The following SPIDR variants were observed in gnomAD, a reference collection of about 807,000 sequenced individuals.
The protein encoded by SPIDR is scaffold protein involved in DNA repair.
SPIDR carries 93 observed loss-of-function variants against 104.6 expected under a neutral mutation model. That is an observed-to-expected ratio of 0.89 (90% CI 0.75 to 1.06). The LOEUF (loss-of-function observed/expected upper bound fraction) is 1.06. SPIDR is among the 50% of genes least tolerant of loss of function. The probability of loss-of-function intolerance (pLI) is 0.00; values close to 1 mark genes in which losing one functional copy is unlikely to be tolerated. For missense variants in SPIDR, 1,154 were observed against 1,111.2 expected (o/e 1.04, Z -0.55); for synonymous variants, 431 against 416.9 (o/e 1.03, Z -0.41).
intron 14 of SPIDR, among the ~76,000 whole-genome samples, chr8:47,708,300 AAAAC>A (rs927333134): frequency 5.9e-5 from 9 of 152,374 alleles, no homozygotes; most frequent in East Asian, 3.9e-4. Context: ...CTCCGTCTCA[AAAAC>A]AAACAAACAA....
At chr8:47,690,065 AACTT>A (rs1410907326) in intron 11 of SPIDR, among the ~76,000 whole-genome samples, 6 of 152,170 alleles carry the variant, frequency 3.9e-5, no homozygotes, top group African/African-American at 1.2e-4. Flanking sequence ...TAAAAAAAAA[AACTT>A]ACACGTGTCT....
At chr8:47,323,983 T>C (rs1488129876) in intron 5 of SPIDR, among the ~76,000 whole-genome samples, 1 of 152,216 alleles carries the variant, frequency 6.6e-6, no homozygotes, top group Non-Finnish European at 1.5e-5. Context: ...TTTTAGTTTA[T>C]TGGTCTTAGT....
At chr8:47,652,894 G>T (rs950600650) in intron 10 of SPIDR, among the ~76,000 whole-genome samples, 1 of 152,114 alleles carries the variant, frequency 6.6e-6, no homozygotes, top group Non-Finnish European at 1.5e-5. Flanking sequence ...ATTCAGAAGC[G>T]AATCACCTAA....
chr8:47,600,430 C>T lies in SPIDR; in HGVS notation c.1544+1234C>T, dbSNP rs555426891. 3.9e-5 allele frequency among the ~76,000 whole-genome samples: 6 copies of T among 152,246 alleles called. 1 individual carries two copies. The South Asian group carries it at 1.0e-3, about 26-fold the overall frequency. ...AGAGAGAAACAGGATACCTATACTC[C>T]GGTGTGAATTATGAATCATCTTCAA... On this transcript the variant is annotated intron_variant, in intron 10 of 19. Transcript: ENST00000297423.
At chr8:47,450,509 T>C (rs1585908606) in intron 8 of SPIDR, among the ~76,000 whole-genome samples, 1 of 152,170 alleles carries the variant, frequency 6.6e-6, no homozygotes, top group African/African-American at 2.4e-5. Flanking sequence ...CATAGAAATA[T>C]GATTAAAGTG....
chr8:47,261,940 T>G (rs2154208526), intron 1 of SPIDR, among the ~76,000 whole-genome samples: 1 of 152,362 alleles, frequency 6.6e-6, no homozygotes, highest in African/African-American at 2.4e-5. Flanking sequence ...CCAGTGTAAG[T>G]TGTTTACTTG....
At chr8:47,313,267 A>G (rs1170260847) in intron 5 of SPIDR, among the ~76,000 whole-genome samples, 4 of 152,200 alleles carry the variant, frequency 2.6e-5, no homozygotes, top group Non-Finnish European at 5.9e-5. Context: ...TAGACCAATA[A>G]CAGACAAACA....
At chr8:47,396,317 G>A in intron 5 of SPIDR, 59 bp from the exon 6 acceptor site, 1 of 1,375,042 alleles carries the variant, frequency 7.3e-7, no homozygotes, top group South Asian at 1.3e-5. Flanking sequence ...TATAAATGTG[G>A]ACTTGAATAA....
At chr8:47,523,748 G>A (rs555899299) in intron 8 of SPIDR, among the ~76,000 whole-genome samples, 2 of 152,308 alleles carry the variant, frequency 1.3e-5, no homozygotes, top group South Asian at 4.1e-4. Flanking sequence ...GGTAATAACA[G>A]CATGATCAGG....
intron 5 of SPIDR, among the ~76,000 whole-genome samples, chr8:47,389,140 C>T (rs1483427717): frequency 6.6e-6 from 1 of 152,094 alleles, no homozygotes; most frequent in Admixed American, 6.6e-5. Flanking sequence ...TTGCTCTGTG[C>T]ATTTGACCAT....
intron 5 of SPIDR, among the ~76,000 whole-genome samples, chr8:47,312,111 G>A (rs1468288183): frequency 3.9e-5 from 6 of 152,178 alleles, no homozygotes; most frequent in African/African-American, 1.4e-4. Flanking sequence ...TCTTAATCCA[G>A]TCTATCATTG....
chr8:47,469,882 T>C (rs1434200982), intron 8 of SPIDR, among the ~76,000 whole-genome samples: 1 of 152,118 alleles, frequency 6.6e-6, no homozygotes, highest in African/African-American at 2.4e-5. Flanking sequence ...AGAAGAAAAC[T>C]ACAAAACATT....
intron 8 of SPIDR, chr8:47,592,538 T>C (rs2061156701): frequency 7.4e-7 from 1 of 1,354,040 alleles, no homozygotes; most frequent in Non-Finnish European, 1.0e-6. Flanking sequence ...TGGTTCTGCT[T>C]TGATGCCAGG....
chr8:47,273,150 C>G (rs62542988), intron 1 of SPIDR, among the ~76,000 whole-genome samples: 77,090 of 152,034 alleles, frequency 0.51, 23,429 homozygotes, highest in African/African-American at 0.86. Flanking sequence ...CACGCAGGTT[C>G]AGGGCTCAGT....
intron 16 of SPIDR, among the ~76,000 whole-genome samples, chr8:47,716,316 T>A (rs2082585279): frequency 6.6e-6 from 1 of 152,184 alleles, no homozygotes; most frequent in Non-Finnish European, 1.5e-5. Flanking sequence ...ATGGCTGGTG[T>A]TCCTCACCCT....
intron 8 of SPIDR, among the ~76,000 whole-genome samples, chr8:47,538,322 TC>T (rs1481293701): frequency 6.6e-6 from 1 of 152,050 alleles, no homozygotes; most frequent in Non-Finnish European, 1.5e-5. Flanking sequence ...AGGCAATAGA[TC>T]ACCTGAGGTC....
At chr8:47,392,380 G>A (rs1425264087) in intron 5 of SPIDR, among the ~76,000 whole-genome samples, 1 of 152,186 alleles carries the variant, frequency 6.6e-6, no homozygotes, top group Admixed American at 6.5e-5. Context: ...TGCAGGGTAT[G>A]TTTGCTTTGT....
At chr8:47,606,537 C>G (rs534705596) in intron 10 of SPIDR, among the ~76,000 whole-genome samples, 14 of 151,530 alleles carry the variant, frequency 9.2e-5, no homozygotes, top group Non-Finnish European at 1.9e-4. Flanking sequence ...AAAAAACAAA[C>G]AAACAAACAA....
At position 47,663,300 on chromosome 8, in the gene SPIDR, ATC is replaced by A. The variant is rs1352757071; in HGVS notation, c.1545-10500_1545-10499del. Among the ~76,000 whole-genome samples the A allele has an allele frequency of 2.6e-5, 4 of 152,050 alleles. No individual in the cohort carries two copies. The East Asian group carries it at 7.7e-4, about 29-fold the overall frequency. Reference sequence around the variant, plus strand: ...TCACAGCACTCTTTATTTCCTTCCTATCACTCACACAGTCTGTAGTTGCACAC... The same window carrying A: ...TCACAGCACTCTTTATTTCCTTCCTAACTCACACAGTCTGTAGTTGCACAC... On this transcript the variant is annotated intron_variant, in intron 10 of 19. Coordinates refer to ENST00000297423, the MANE Select transcript of SPIDR (RefSeq NM_001080394.4).
Sources: allele counts gnomAD v4.1 joint callset (sites outside exome capture counted in the v4.1 genomes callset), GRCh38; gene constraint gnomAD v4.1.1; transcripts MANE v1.5; gene names NCBI Gene and HGNC (gene_info 2026-07-23, HGNC 2026-07-21).